The following NLRP3 variants were observed in gnomAD, a reference collection of about 807,000 sequenced individuals.
The protein encoded by NLRP3 is NACHT, LRR and PYD domains-containing protein 3.
NLRP3 carries 48 observed loss-of-function variants against 91.3 expected under a neutral mutation model. The ratio of observed to expected loss-of-function variants is 0.53; its 90% confidence interval spans 0.42 to 0.67. The LOEUF is 0.67. Ranked by LOEUF, NLRP3 falls within the 30% of genes least tolerant of loss-of-function variation. The probability of loss-of-function intolerance (pLI) is 0.00; values close to 1 mark genes in which losing one functional copy is unlikely to be tolerated. For missense variants in NLRP3, 982 were observed against 1,276.9 expected (o/e 0.77, Z 3.52); for synonymous variants, 561 against 507.9 (o/e 1.10, Z -1.41).
chr1:247,439,063 T>C (rs1432860085), intron 7 of NLRP3, among the ~76,000 whole-genome samples: 1 of 152,184 alleles, frequency 6.6e-6, no homozygotes, highest in Non-Finnish European at 1.5e-5. Flanking sequence ...CATCCATCAA[T>C]CCATCCAAGG....
chr1:247,436,681 T>G (rs749552907), intron 7 of NLRP3, among the ~76,000 whole-genome samples: 4 of 152,230 alleles, frequency 2.6e-5, no homozygotes, highest in Non-Finnish European at 5.9e-5. Flanking sequence ...CCAGACCTGA[T>G]GATGCATGGT....
intron 5 of NLRP3, among the ~76,000 whole-genome samples, chr1:247,433,262 A>G (rs1250914122): frequency 1.3e-5 from 2 of 152,112 alleles, no homozygotes; most frequent in African/African-American, 4.8e-5. Context: ...TCCTTTCAAT[A>G]TAGATGGAGG....
rs200723333 is a variant in NLRP3 at position 247,425,051 on chromosome 1, G to A, written c.1602G>A (p.Leu534=). Residue 534 remains leucine (L), a synonymous_variant, in exon 4 of 10, where the codon CTG becomes CTA. Transcript: ENST00000336119. The surrounding 1 kb of genome is among the most constrained non-coding windows in gnomAD (Gnocchi z 4.1). ...QEFFAAMYYL[L]EEEKEGRTNV... is the part of the protein sequence containing the mutation. ...TCTTTGCCGCCATGTACTACCTGCT[G>A]GAAGAGGAAAAGGAAGGAAGGACGA... 2 of 1,614,062 alleles carry A rather than the reference G, an allele frequency of 1.2e-6. No individual in the cohort carries two copies. Among genetic ancestry groups the A allele is most frequent in the Non-Finnish European group, 1.7e-6 (2 of 1,180,050 alleles).
chr1:247,433,941 G>GTTC lies in NLRP3; in HGVS notation c.2322-160_2322-158dup, dbSNP rs762740914. On this transcript the variant is annotated intron_variant, in intron 5 of 9. Coordinates refer to ENST00000336119, the MANE Select transcript of NLRP3 (RefSeq NM_001243133.2). The stretch of plus-strand genomic sequence containing the variant: ...ATTCCGGAGCTCTCTGGTCAGGTGT[G>GTTC]TTCTGATGCTTTCTGTATTCCGGAG... Among the ~76,000 whole-genome samples the GTTC allele has an allele frequency of 2.8e-4, 29 of 104,794 alleles. 1 individual carries two copies. Among genetic ancestry groups the GTTC allele is most frequent in the Non-Finnish European group, 4.8e-4 (24 of 49,604 alleles). The allele number at this position is 104,794 out of a possible 152,430, so 68.7% of individuals were successfully genotyped here. A position where few individuals can be genotyped will look rare whatever the true frequency, so the allele number is the denominator to read the frequency against.
In NLRP3 at chr1:247,429,670, C is replaced by T; in HGVS notation, c.2236C>T (p.Leu746Phe). ...CAGCCAGAGTCTAACTGAATTGGAC[C>T]TCAGTGACAATTCTCTGGGGGACCC... ...STSQSLTELD[L>F]SDNSLGDPGM... Residue 746 changes from leucine (L) to phenylalanine (F), a missense_variant, in exon 5 of 10, where the codon CTC becomes TTC. Physicochemically the swap from Leu to Phe is conservative, Grantham distance 22. Transcript: ENST00000336119. 2 of 1,614,092 alleles carry T rather than the reference C, an allele frequency of 1.2e-6. No individual in the cohort carries two copies. Among genetic ancestry groups the T allele is most frequent in the Non-Finnish European group, 1.7e-6 (2 of 1,180,014 alleles).
At position 247,425,504 on chromosome 1, in the gene NLRP3, G is replaced by A; in HGVS notation, c.2055G>A (p.Met685Ile). Reference sequence around the variant, plus strand: ...TGTCCCTGGGGTTTCTCCATAACATGCCCAAGGAGGAAGAGGAGGAGGAAA... The same window carrying A: ...TGTCCCTGGGGTTTCTCCATAACATACCCAAGGAGGAAGAGGAGGAGGAAA... The part of the protein sequence containing the change: ...ESLSLGFLHN[M>I]PKEEEEEEKE... Residue 685 changes from methionine (M) to isoleucine (I), a missense_variant, in exon 4 of 10, where the codon ATG (methionine) becomes ATA (isoleucine). Met to Ile is a conservative substitution (Grantham distance 10). This residue lies in a region of NLRP3 where 373 missense variants were observed against 431.5 expected (regional missense o/e 0.86). Transcript: ENST00000336119. The surrounding 1 kb of genome is among the most constrained non-coding windows in gnomAD (Gnocchi z 4.1). 2 of 1,614,078 alleles carry A rather than the reference G, an allele frequency of 1.2e-6. No individual in the cohort carries two copies. Among genetic ancestry groups the A allele is most frequent in the Non-Finnish European group, 1.7e-6 (2 of 1,180,026 alleles).
At chr1:247,448,142 G>A (rs1026304339) in intron 9 of NLRP3, among the ~76,000 whole-genome samples, 1 of 151,822 alleles carries the variant, frequency 6.6e-6, no homozygotes, top group Non-Finnish European at 1.5e-5. Context: ...AGTGACGAAG[G>A]ACACGACGAG....
At chr1:247,437,837 T>A (rs1236474027) in intron 7 of NLRP3, among the ~76,000 whole-genome samples, 1 of 152,228 alleles carries the variant, frequency 6.6e-6, no homozygotes, top group African/African-American at 2.4e-5. Context: ...GCGGGTGACA[T>A]TGGAGCAGGT....
At chr1:247,434,421 A>G (rs1354466651) in intron 6 of NLRP3, 148 bp downstream of exon 6, 1 of 806,220 alleles carries the variant, frequency 1.2e-6, no homozygotes, top group Non-Finnish European at 2.2e-6. Flanking sequence ...GGTGTCTAGC[A>G]TTGCGGTCAG....
rs1225270645 is a variant in NLRP3 at position 247,419,075 on chromosome 1, G to A, written c.275G>A (p.Trp92Ter). 1 of 1,609,380 alleles carries A rather than the reference G, an allele frequency of 6.2e-7. No individual in the cohort carries two copies. Among genetic ancestry groups the A allele is most frequent in the Non-Finnish European group, 8.5e-7 (1 of 1,179,896 alleles). ...YEKAKRDEPK[W>*]GSDNARVSNP... Reference sequence around the variant, plus strand: ...AAAGCAAAAAGAGATGAGCCGAAGTGGGGTGAGTGGAAGGAAGACTTTTAA... The same window carrying A: ...AAAGCAAAAAGAGATGAGCCGAAGTAGGGTGAGTGGAAGGAAGACTTTTAA... Residue 92 changes from tryptophan to a stop codon, truncating the protein, a stop_gained and splice_region_variant, in exon 2 of 10, where the codon TGG (tryptophan) becomes TAG (stop). Transcript: ENST00000336119. LOFTEE classifies it high-confidence loss of function.
chr1:247,437,210 A>C (rs1177305844), intron 7 of NLRP3, among the ~76,000 whole-genome samples: 2 of 152,240 alleles, frequency 1.3e-5, no homozygotes, highest in Non-Finnish European at 2.9e-5. Flanking sequence ...CTTTTGACCC[A>C]TTGACTAGGC....
chr1:247,428,315 G>C (rs1419142500), intron 4 of NLRP3, among the ~76,000 whole-genome samples: 1 of 152,298 alleles, frequency 6.6e-6, no homozygotes, highest in East Asian at 1.9e-4. Flanking sequence ...CTAGATGGCA[G>C]CTGCCTTACT....
At position 247,423,321 on chromosome 1, in the gene NLRP3, G is replaced by A. The variant is rs750104265; in HGVS notation, c.369G>A (p.Ser123=). 2.3e-5 allele frequency: 36 copies of A among 1,592,508 alleles called. No individual in the cohort carries two copies. Among genetic ancestry groups the A allele is most frequent in the East Asian group, 6.9e-5 (3 of 43,538 alleles). ...EEWMGLLEYL[S]RISICKMKKD... The stretch of plus-strand genomic sequence containing the variant: ...GGATGGGTTTACTGGAGTACCTTTC[G>A]AGAATCTCTATTTGTAAAATGAAGA... Residue 123 remains serine, a synonymous_variant, in exon 3 of 10, where the codon TCG becomes TCA. Coordinates refer to ENST00000336119, the MANE Select transcript of NLRP3 (RefSeq NM_001243133.2).
intron 2 of NLRP3, among the ~76,000 whole-genome samples, chr1:247,420,239 T>C (rs768359681): frequency 1.3e-5 from 2 of 152,204 alleles, no homozygotes; most frequent in Admixed American, 6.5e-5. Flanking sequence ...GTTCAAGTTC[T>C]TTTCTCATTT....
intron 7 of NLRP3, among the ~76,000 whole-genome samples, chr1:247,440,197 A>G (rs1398792102): frequency 6.6e-6 from 1 of 152,126 alleles, no homozygotes; most frequent in Non-Finnish European, 1.5e-5. Flanking sequence ...CATATTGTGT[A>G]CTGCCTGTCT....
intron 2 of NLRP3, among the ~76,000 whole-genome samples, chr1:247,420,430 A>T (rs1180457671): frequency 6.6e-6 from 1 of 150,788 alleles, no homozygotes; most frequent in African/African-American, 2.4e-5. Context: ...TTTTTAAATC[A>T]TGGCCGGGCA....
At chr1:247,432,249 C>G (rs1663387575) in intron 5 of NLRP3, among the ~76,000 whole-genome samples, 1 of 148,952 alleles carries the variant, frequency 6.7e-6, no homozygotes, top group Non-Finnish European at 1.5e-5. Context: ...CCTCACCTGG[C>G]TCCCACCCTC....
In NLRP3 at chr1:247,424,437, C is replaced by T; in HGVS notation, c.988C>T (p.Leu330=). 1 of 1,614,212 alleles carries T rather than the reference C, an allele frequency of 6.2e-7. No individual in the cohort carries two copies. The highest frequency in any genetic ancestry group is 8.5e-7 in the Non-Finnish European group (1 of 1,180,050). ...WQKAERGDIL[L]SSLIRKKLLP... ...GAAGGCCGAGCGGGGAGACATTCTC[C>T]TGAGCAGCCTCATCAGAAAGAAGCT... is the stretch of plus-strand genomic sequence containing the variant. Residue 330 remains leucine (L), a synonymous_variant, in exon 4 of 10, where the codon CTG becomes TTG. Coordinates refer to ENST00000336119, the MANE Select transcript of NLRP3 (RefSeq NM_001243133.2). The surrounding 1 kb of genome is among the most constrained non-coding windows in gnomAD (Gnocchi z 8.1).
chr1:247,429,510 AC>A, intron 4 of NLRP3, 74 bp from the exon 5 acceptor site: 1 of 1,540,434 alleles, frequency 6.5e-7, no homozygotes, highest in Non-Finnish European at 9.0e-7. Flanking sequence ...GGTGCCAGGC[AC>A]CCCGGCCCCC....
Sources: gnomAD v4.1 joint callset for allele counts (sites outside exome capture counted in the v4.1 genomes callset) on GRCh38, gnomAD v4.1.1 for gene constraint, gnomAD v4.1.1 regional missense constraint, Gnocchi (gnomAD v3.1) non-coding constraint, MANE v1.5 for transcripts, NCBI Gene and HGNC (gene_info 2026-07-23, HGNC 2026-07-21) for gene names.